The following TIAM2 variants were observed in gnomAD, a reference collection of about 807,000 sequenced individuals.
The protein encoded by TIAM2 is rho guanine nucleotide exchange factor TIAM2.
A neutral mutation model predicts 152.9 loss-of-function variants in TIAM2; 80 were observed. That is an observed-to-expected ratio of 0.52 (90% CI 0.44 to 0.63). TIAM2 has a LOEUF of 0.63. TIAM2 is among the 30% of genes least tolerant of loss of function. The pLI, the probability that TIAM2 is intolerant of heterozygous loss-of-function variation, is 0.00. For synonymous variants in TIAM2, 804 were observed against 838.0 expected (o/e 0.96, Z 0.70); for missense variants, 1,965 against 2,120.1 (o/e 0.93, Z 1.44).
chr6:155,074,875 A>C (rs914580523), intron 1 of TIAM2, among the ~76,000 whole-genome samples: 14 of 151,406 alleles, frequency 9.2e-5, no homozygotes, highest in Non-Finnish European at 1.5e-4. Flanking sequence ...AAAAAAAAAA[A>C]AAACCTCTGA....
At chr6:155,173,195 G>GTGTGTGTC (rs1562341662) in intron 9 of TIAM2, among the ~76,000 whole-genome samples, 1 of 138,218 alleles carries the variant, frequency 7.2e-6, no homozygotes, top group South Asian at 2.2e-4. Flanking sequence ...GTGTGTGTGT[G>GTGTGTGTC]TGTGTGTCTG....
At chr6:155,108,061 G>C (rs1012910912) in intron 2 of TIAM2, among the ~76,000 whole-genome samples, 7 of 152,316 alleles carry the variant, frequency 4.6e-5, no homozygotes, top group African/African-American at 1.4e-4. Context: ...GTGAACAGCT[G>C]CTGGAGTTTT....
intron 14 of TIAM2, among the ~76,000 whole-genome samples, chr6:155,189,015 G>T (rs999698070): frequency 2.0e-5 from 3 of 151,878 alleles, no homozygotes; most frequent in Non-Finnish European, 4.4e-5. Flanking sequence ...TTTTTAAATC[G>T]CTGTGAGTAG....
chr6:155,250,600 C>T, intron 21 of TIAM2: 1 of 1,536,018 alleles, frequency 6.5e-7, no homozygotes, highest in Non-Finnish European at 8.7e-7. Flanking sequence ...TTACAAAAGG[C>T]ACTCTGGAAG....
chr6:155,137,110 T>C (rs1779572955), intron 4 of TIAM2, 67 bp from the exon 5 acceptor site: 3 of 1,521,276 alleles, frequency 2.0e-6, no homozygotes, highest in Non-Finnish European at 2.7e-6. Context: ...ACACTTATGC[T>C]GTGTGCAAGA....
intron 2 of TIAM2, among the ~76,000 whole-genome samples, chr6:155,108,076 A>G (rs533522648): frequency 3.9e-5 from 6 of 152,318 alleles, no homozygotes; most frequent in African/African-American, 1.4e-4. Context: ...AGTTTTTCCT[A>G]ACAGGTTTAA....
intron 7 of TIAM2, among the ~76,000 whole-genome samples, chr6:155,161,391 G>C (rs778692149): frequency 1.3e-5 from 2 of 152,068 alleles, no homozygotes; most frequent in Non-Finnish European, 2.9e-5. Flanking sequence ...TGTTGCCCAG[G>C]CTGGTCTCAA....
intron 1 of TIAM2, among the ~76,000 whole-genome samples, chr6:155,047,242 G>A (rs537916019): frequency 4.4e-4 from 67 of 152,234 alleles, no homozygotes; most frequent in African/African-American, 1.4e-3. Context: ...GCAGTGGCAC[G>A]ATCTTAGCTC....
At chr6:155,188,610 C>T (rs1333456107) in intron 14 of TIAM2, among the ~76,000 whole-genome samples, 1 of 152,182 alleles carries the variant, frequency 6.6e-6, no homozygotes, top group Non-Finnish European at 1.5e-5. Flanking sequence ...AACAAGGCAA[C>T]CATTGAAGGG....
chr6:155,045,997 GCTC>G (rs1336207464), intron 1 of TIAM2, among the ~76,000 whole-genome samples: 1 of 151,828 alleles, frequency 6.6e-6, no homozygotes, highest in African/African-American at 2.4e-5. Context: ...GCAGGGCAGG[GCTC>G]CTCCTGCTTG....
In TIAM2 at chr6:155,137,553, A is replaced by G. The variant is rs1779585165; in HGVS notation, c.1571A>G (p.Glu524Gly). ...AAGCCCCTGGTCACTGTGCAGAAGGAAAGGAAGCTTGAGCTGGTGGCACGA... is the reference window on the plus strand; with the variant it reads ...AAGCCCCTGGTCACTGTGCAGAAGGGAAGGAAGCTTGAGCTGGTGGCACGA... Reference protein sequence around the residue: ...FFKPLVTVQKERKLELVARRK... With the variant: ...FFKPLVTVQKGRKLELVARRK... Residue 524 changes from glutamate (E) to glycine (G), a missense_variant, in exon 5 of 27, where the codon GAA becomes GGA. By Grantham distance (98) the Glu-to-Gly change is moderately conservative (BLOSUM62 -2). Coordinates refer to ENST00000682666, the MANE Select transcript of TIAM2 (RefSeq NM_012454.4). 1 of 1,612,708 alleles carries G rather than the reference A, an allele frequency of 6.2e-7. No individual in the cohort carries two copies. The highest frequency in any genetic ancestry group is 2.2e-5 in the East Asian group (1 of 44,868).
At chr6:155,152,803 G>T (rs963489979) in intron 7 of TIAM2, among the ~76,000 whole-genome samples, 1 of 152,052 alleles carries the variant, frequency 6.6e-6, no homozygotes, top group Non-Finnish European at 1.5e-5. Flanking sequence ...CTGGCCTGTT[G>T]TGTGTGTGTG....
intron 15 of TIAM2, among the ~76,000 whole-genome samples, chr6:155,215,847 G>T (rs7383659): frequency 0.045 from 6,642 of 148,554 alleles, 261 homozygotes; most frequent in East Asian, 0.21. Flanking sequence ...TCACCCTGTT[G>T]TGCAGCCTGG....
At chr6:155,117,359 A>G (rs925494096) in intron 2 of TIAM2, among the ~76,000 whole-genome samples, 2 of 152,156 alleles carry the variant, frequency 1.3e-5, no homozygotes, top group African/African-American at 2.4e-5. Flanking sequence ...TTTACTTGAC[A>G]TTCCAAAAAC....
chr6:155,082,288 A>G (rs1366754310), intron 1 of TIAM2, among the ~76,000 whole-genome samples: 1 of 152,160 alleles, frequency 6.6e-6, no homozygotes, highest in East Asian at 1.9e-4. Flanking sequence ...CGCTGCAGCA[A>G]GCCATGATCA....
chr6:155,204,070 G>A (rs1378357192), intron 14 of TIAM2, among the ~76,000 whole-genome samples: 2 of 152,132 alleles, frequency 1.3e-5, no homozygotes, highest in East Asian at 3.8e-4. Context: ...CTGGACATCC[G>A]GCAGTGATCA....
intron 1 of TIAM2, among the ~76,000 whole-genome samples, chr6:155,031,591 G>T (rs1443211040): frequency 2.6e-5 from 4 of 152,058 alleles, no homozygotes; most frequent in African/African-American, 9.7e-5. Context: ...GGGTGTGGTG[G>T]CACGCACCTA....
At chr6:155,122,725 T>C (rs968145517) in intron 2 of TIAM2, among the ~76,000 whole-genome samples, 3 of 152,162 alleles carry the variant, frequency 2.0e-5, no homozygotes, top group Non-Finnish European at 2.9e-5. Flanking sequence ...GCCCTGGGCC[T>C]CGCCACACGT....
At chr6:155,082,665 C>CAAATAAAT (rs765607888) in intron 1 of TIAM2, among the ~76,000 whole-genome samples, 6,700 of 93,356 alleles carry the variant, frequency 0.072, 223 homozygotes, top group Non-Finnish European at 0.09. Context: ...CAAAAAAACC[C>CAAATAAAT]CAATAAATAA....
Sources: gnomAD v4.1 joint callset for allele counts (sites outside exome capture counted in the v4.1 genomes callset) on GRCh38, gnomAD v4.1.1 for gene constraint, MANE v1.5 for transcripts, NCBI Gene and HGNC (gene_info 2026-07-23, HGNC 2026-07-21) for gene names.